Variants in MIPOL1 observed in about 807,000 individuals in gnomAD.
MIPOL1 encodes the protein mirror-image polydactyly 1.
MIPOL1 carries 57 observed loss-of-function variants against 60.9 expected under a neutral mutation model. That is an observed-to-expected ratio of 0.94 (90% CI 0.76 to 1.17). The LOEUF (loss-of-function observed/expected upper bound fraction) is 1.17. Ranked by LOEUF, MIPOL1 falls within the 50% of genes most tolerant of loss-of-function variation. The pLI, the probability that MIPOL1 is intolerant of heterozygous loss-of-function variation, is 0.00. For synonymous variants in MIPOL1, 179 were observed against 168.8 expected (o/e 1.06, Z -0.47); for missense variants, 551 against 511.6 (o/e 1.08, Z -0.74).
At chr14:37,506,149 T>G (rs2095274020) in intron 12 of MIPOL1, 1 of 152,178 alleles carries the variant, frequency 6.6e-6, no homozygotes, top group Admixed American at 6.5e-5. Context: ...ATAGGAATAA[T>G]CAATATCGTG....
chr14:37,463,521 T>C (rs1047203974), intron 11 of MIPOL1, among the ~76,000 whole-genome samples: 3 of 152,194 alleles, frequency 2.0e-5, no homozygotes, highest in Non-Finnish European at 4.4e-5. Flanking sequence ...GGACACACTA[T>C]TCAATACATG....
At chr14:37,300,092 A>G (rs2086237823) in intron 7 of MIPOL1, among the ~76,000 whole-genome samples, 1 of 151,794 alleles carries the variant, frequency 6.6e-6, no homozygotes, top group African/African-American at 2.4e-5. Flanking sequence ...ATTTACTATC[A>G]GTAATATTAA....
chr14:37,358,230 A>G (rs780527364), intron 9 of MIPOL1, among the ~76,000 whole-genome samples: 1 of 152,100 alleles, frequency 6.6e-6, no homozygotes, highest in Non-Finnish European at 1.5e-5. Context: ...TTCTTAATCC[A>G]GTCTATTATT....
At chr14:37,254,024 A>G (rs532572880) in intron 3 of MIPOL1, among the ~76,000 whole-genome samples, 10 of 151,654 alleles carry the variant, frequency 6.6e-5, no homozygotes, top group Non-Finnish European at 1.3e-4. Flanking sequence ...TCTCCATAGG[A>G]CCTAGCTTAA....
chr14:37,305,924 A>G (rs1001371969), intron 7 of MIPOL1, among the ~76,000 whole-genome samples: 5 of 151,850 alleles, frequency 3.3e-5, no homozygotes, highest in African/African-American at 9.7e-5. Context: ...TACCAAAAAC[A>G]TACTTGAAAT....
At chr14:37,536,759 A>G (rs1314989811) in intron 12 of MIPOL1, among the ~76,000 whole-genome samples, 1 of 152,196 alleles carries the variant, frequency 6.6e-6, no homozygotes, top group Non-Finnish European at 1.5e-5. Context: ...CTGTCCCATG[A>G]CTAGCCCAAA....
intron 9 of MIPOL1, among the ~76,000 whole-genome samples, chr14:37,310,371 A>G (rs2087214744): frequency 6.6e-6 from 1 of 151,994 alleles, no homozygotes; most frequent in African/African-American, 2.4e-5. Flanking sequence ...CTAGAGGACT[A>G]TTTTATCTCT....
At chr14:37,363,251 T>C (rs2092345968) in intron 9 of MIPOL1, among the ~76,000 whole-genome samples, 1 of 152,242 alleles carries the variant, frequency 6.6e-6, no homozygotes, top group Non-Finnish European at 1.5e-5. Flanking sequence ...TATGTATTTA[T>C]CTACCTTTGG....
In MIPOL1 at chr14:37,247,878, C is replaced by T; in HGVS notation, c.-11C>T. On this transcript the variant is annotated 5_prime_UTR_variant, in exon 3 of 13. Transcript: ENST00000684589. ...GAGACATTGCCAGAGCAAACAAGAACAGAAATACAAATGGAGAACTGGTCA... is the reference window on the plus strand; with the variant it reads ...GAGACATTGCCAGAGCAAACAAGAATAGAAATACAAATGGAGAACTGGTCA... The T allele has an allele frequency of 4.3e-6, 7 of 1,612,790 alleles. No individual in the cohort carries two copies. Among genetic ancestry groups the T allele is most frequent in the Non-Finnish European group, 5.9e-6 (7 of 1,179,300 alleles).
At chr14:37,199,817 G>A (rs1283069180) in intron 1 of MIPOL1, among the ~76,000 whole-genome samples, 2 of 152,116 alleles carry the variant, frequency 1.3e-5, no homozygotes, top group South Asian at 4.1e-4. Flanking sequence ...GAACCATCGC[G>A]CCTGGCCATA....
At chr14:37,337,146 C>T (rs1348841706) in intron 9 of MIPOL1, among the ~76,000 whole-genome samples, 1 of 150,980 alleles carries the variant, frequency 6.6e-6, no homozygotes, top group Non-Finnish European at 1.5e-5. Context: ...TCTAGAATTC[C>T]CACAAAACAT....
chr14:37,417,178 T>C (rs2093784921), intron 10 of MIPOL1, among the ~76,000 whole-genome samples: 1 of 152,180 alleles, frequency 6.6e-6, no homozygotes, highest in Admixed American at 6.5e-5. Flanking sequence ...TCACCATTGC[T>C]GCACTGTCTT....
At chr14:37,533,708 G>T (rs1010427440) in intron 12 of MIPOL1, among the ~76,000 whole-genome samples, 16 of 152,244 alleles carry the variant, frequency 1.1e-4, no homozygotes, top group African/African-American at 3.9e-4. Flanking sequence ...TTTTAAATGG[G>T]ATCATTGAAA....
At chr14:37,457,436 T>G (rs140507745) in intron 11 of MIPOL1, among the ~76,000 whole-genome samples, 121 of 152,284 alleles carry the variant, frequency 7.9e-4, no homozygotes, top group African/African-American at 2.7e-3. Flanking sequence ...AATGGGTTAT[T>G]ATTTTCTTGG....
At chr14:37,474,906 C>G (rs550680363) in intron 11 of MIPOL1, among the ~76,000 whole-genome samples, 92 of 152,100 alleles carry the variant, frequency 6.0e-4, no homozygotes, top group African/African-American at 2.2e-3. Flanking sequence ...CTTACTTAAC[C>G]ATCTATATAT....
chr14:37,356,063 G>C (rs970057538), intron 9 of MIPOL1, among the ~76,000 whole-genome samples: 1 of 147,208 alleles, frequency 6.8e-6, no homozygotes, highest in African/African-American at 2.5e-5. Flanking sequence ...CTTTGATGAT[G>C]GTGATGTACA....
intron 11 of MIPOL1, among the ~76,000 whole-genome samples, chr14:37,465,039 A>C (rs1168182692): frequency 1.3e-5 from 2 of 152,142 alleles, no homozygotes; most frequent in African/African-American, 4.8e-5. Flanking sequence ...TCTGACGTTG[A>C]TCTCTGGCCA....
In MIPOL1 at chr14:37,261,258, G is replaced by A. The variant is rs193222244; in HGVS notation, c.20-5680G>A. ...TTACATACAATTGTTAACAGAATAA[G>A]ATTATTTGGGCCAAAAGAAAAGAGA... is the stretch of plus-strand genomic sequence containing the variant. On this transcript the variant is annotated intron_variant, in intron 3 of 12. Transcript: ENST00000684589. Among the ~76,000 whole-genome samples, 141 of 150,618 alleles carry A rather than the reference G, an allele frequency of 9.4e-4. 2 individuals are homozygous for A. Among genetic ancestry groups the A allele is most frequent in the South Asian group, 1.9e-3 (9 of 4,768 alleles).
chr14:37,468,598 G>A (rs1046548314), intron 11 of MIPOL1, among the ~76,000 whole-genome samples: 1 of 152,050 alleles, frequency 6.6e-6, no homozygotes, highest in Non-Finnish European at 1.5e-5. Context: ...AAAAAATTAA[G>A]AACAACATGA....
Sources: gnomAD v4.1 joint callset for allele counts (sites outside exome capture counted in the v4.1 genomes callset) on GRCh38, gnomAD v4.1.1 for gene constraint, MANE v1.5 for transcripts, NCBI Gene and HGNC (gene_info 2026-07-23, HGNC 2026-07-21) for gene names.